Variants in FST observed in about 807,000 individuals in gnomAD.
FST encodes follistatin, also known as activin-binding protein.
Under a neutral mutation model 38.4 loss-of-function variants are expected in FST, and 6 were observed. That is an observed-to-expected ratio of 0.16 (90% CI 0.09 to 0.31). FST has a LOEUF of 0.31. Among genes scored for constraint, FST ranks in the 10% least tolerant of loss-of-function variants. The pLI is 1.00. For missense variants in FST, 301 were observed against 432.3 expected (o/e 0.70, Z 2.69); for synonymous variants, 157 against 169.8 (o/e 0.92, Z 0.59).
At position 53,483,349 on chromosome 5, in the gene FST, C is replaced by T. The variant is rs1747355383; in HGVS notation, c.278-155C>T. Among the ~76,000 whole-genome samples, 1 of 152,252 alleles carries T rather than the reference C, an allele frequency of 6.6e-6. No individual in the cohort carries two copies. Among genetic ancestry groups the T allele is most frequent in the Admixed American group, 6.5e-5 (1 of 15,288 alleles). On this transcript the variant is annotated intron_variant, in intron 2 of 5. Coordinates refer to ENST00000256759, the MANE Select transcript of FST (RefSeq NM_013409.3). The surrounding 1 kb of genome is among the most constrained non-coding windows in gnomAD (Gnocchi z 4.1). The stretch of plus-strand genomic sequence containing the variant: ...TGTGGGGCACAGCCCAAGGTCCACA[C>T]TCTTTCACCAACTCCCAATATTCCA...
chr5:53,485,200 G>A lies in FST; in HGVS notation c.925G>A (p.Glu309Lys). The change falls in exon 5 of 6, where the codon GAA becomes AAA. Residue 309 changes from glutamate (E) to lysine (K), a missense_variant. Glu to Lys is a moderately conservative substitution (Grantham distance 56). Transcript: ENST00000256759. ...EAACSSGVLLEVKHSGSCNSI... is the reference protein window; with the variant it reads ...EAACSSGVLLKVKHSGSCNSI... ...TGCCTGCTCCTCAGGTGTGCTACTGGAAGTAAAGCACTCCGGATCTTGCAA... is the reference window on the plus strand; with the variant it reads ...TGCCTGCTCCTCAGGTGTGCTACTGAAAGTAAAGCACTCCGGATCTTGCAA... 6.2e-7 allele frequency: 1 copy of A among 1,605,384 alleles called. No individual in the cohort carries two copies. Among genetic ancestry groups the A allele is most frequent in the Non-Finnish European group, 8.5e-7 (1 of 1,172,148 alleles).
At position 53,484,120 on chromosome 5, in the gene FST, A is replaced by G; in HGVS notation, c.548A>G (p.Gln183Arg). The G allele has an allele frequency of 6.2e-7, 1 of 1,611,092 alleles. No individual in the cohort carries two copies. The highest frequency in any genetic ancestry group is 8.5e-7 in the Non-Finnish European group (1 of 1,177,218). Residue 183 changes from glutamine (Q) to arginine (R), a missense_variant, in exon 4 of 6, where the codon CAG becomes CGG. Coordinates refer to ENST00000256759, the MANE Select transcript of FST (RefSeq NM_013409.3). Reference sequence around the variant, plus strand: ...GGCAGCTCCACATGTGTGGTGGACCAGACCAATAATGCCTACTGTGTGACC... The same window carrying G: ...GGCAGCTCCACATGTGTGGTGGACCGGACCAATAATGCCTACTGTGTGACC... ...CPGSSTCVVDQTNNAYCVTCN... is the reference protein window; with the variant it reads ...CPGSSTCVVDRTNNAYCVTCN...
chr5:53,481,462 C>CAAAAAAAAA (rs70983342), intron 1 of FST, among the ~76,000 whole-genome samples: 3,652 of 48,006 alleles, frequency 0.076, 770 homozygotes, highest in Non-Finnish European at 0.083. Flanking sequence ...CCCATTCTCG[C>CAAAAAAAAA]AAAAAAAAAA....
At position 53,483,986 on chromosome 5, in the gene FST, C is replaced by A; in HGVS notation, c.497-83C>A. On this transcript the variant is annotated intron_variant, in intron 3 of 5. Transcript: ENST00000256759. This position sits in a 1 kb window ranked among gnomAD's most constrained non-coding sequence, Gnocchi z 4.1. ...TTTTGAAAGCTGGATGCTTCAGTGT[C>A]ATGATTTCCTTGGTAACTTCAAGTG... is the stretch of plus-strand genomic sequence containing the variant. 8.4e-7 allele frequency: 1 copy of A among 1,197,070 alleles called. No individual in the cohort carries two copies. The highest frequency in any genetic ancestry group is 1.2e-6 in the Non-Finnish European group (1 of 821,368). The allele number at this position is 1,197,070 out of a possible 1,614,324, so 74.2% of individuals were successfully genotyped here. A position where few individuals can be genotyped will look rare whatever the true frequency, so the allele number is the denominator to read the frequency against.
chr5:53,485,845 G>T, intron 5 of FST, 106 bp from the exon 6 acceptor site: 2 of 1,597,310 alleles, frequency 1.3e-6, no homozygotes, highest in Non-Finnish European at 1.7e-6. Flanking sequence ...AAAATGCAAC[G>T]CTGTAATATG....
chr5:53,482,911 C>T lies in FST; in HGVS notation c.117C>T (p.Asn39=), dbSNP rs910688617. ...ACTGCTGGCTCCGTCAAGCGAAGAA[C>T]GGCCGCTGCCAGGTCCTGTACAAGA... The part of the protein sequence containing the change: ...AGNCWLRQAK[N]GRCQVLYKTE... The change falls in exon 2 of 6, where the codon AAC becomes AAT. Residue 39 remains asparagine (N), a synonymous_variant. Transcript: ENST00000256759. 2.5e-6 allele frequency: 4 copies of T among 1,610,122 alleles called. No individual in the cohort carries two copies. Among genetic ancestry groups the T allele is most frequent in the Non-Finnish European group, 3.4e-6 (4 of 1,177,506 alleles).
In FST at chr5:53,486,070, TGCAAA is replaced by T; in HGVS notation, c.*38_*42del. On this transcript the variant is annotated 3_prime_UTR_variant, in exon 6 of 6. Coordinates refer to ENST00000256759, the MANE Select transcript of FST (RefSeq NM_013409.3). ...GTGTTCAGTGTTGACATAGCCTTTG[TGCAAA>T]AAAAAAAAAAAAAAAAAAGAAAAAG... 1.7e-6 allele frequency: 1 copy of T among 581,864 alleles called. No homozygotes were observed. Among genetic ancestry groups the T allele is most frequent in the Non-Finnish European group, 2.6e-6 (1 of 385,438 alleles). 36.0% of individuals were successfully genotyped at this position (581,864 alleles called of 1,614,324 possible).
rs764424743 is a variant in FST, at chr5:53,485,011, G to A, written c.736G>A (p.Glu246Lys). ...TTATATCCTAGAAGCAAAGTCCTGTGAAGATATCCAGTGCACTGGTGGGAA... is the reference window on the plus strand; with the variant it reads ...TTATATCCTAGAAGCAAAGTCCTGTAAAGATATCCAGTGCACTGGTGGGAA... ...EGKCIKAKSC[E>K]DIQCTGGKKC... Residue 246 changes from glutamate to lysine, a missense_variant, in exon 5 of 6, where the codon GAA (glutamate) becomes AAA (lysine). Glu to Lys is a moderately conservative substitution (Grantham distance 56). Coordinates refer to ENST00000256759, the MANE Select transcript of FST (RefSeq NM_013409.3). The A allele has an allele frequency of 1.9e-6, 3 of 1,585,690 alleles. No individual in the cohort carries two copies. The highest frequency in any genetic ancestry group is 3.3e-4 in the Middle Eastern group (2 of 5,990).
rs749610664 is a variant in FST, at chr5:53,483,764, C to G, written c.496+42C>G. 1 of 1,452,786 alleles carries G rather than the reference C, an allele frequency of 6.9e-7. No homozygotes were observed. The highest frequency in any genetic ancestry group is 1.2e-5 in the South Asian group (1 of 85,910). The allele number at this position is 1,452,786 out of a possible 1,614,324, so 90.0% of individuals were successfully genotyped here. A position where few individuals can be genotyped will look rare whatever the true frequency, so the allele number is the denominator to read the frequency against. On this transcript the variant is annotated intron_variant, in intron 3 of 5. Transcript: ENST00000256759. The surrounding 1 kb of genome is among the most constrained non-coding windows in gnomAD (Gnocchi z 4.1). The stretch of plus-strand genomic sequence containing the variant: ...TGAGCAAGACTGGATCTGTCCCCTC[C>G]TCCAGCTTTGTACCTAAAGTAGACC...
In FST at chr5:53,480,821, G is replaced by T. The variant is rs1190042869; in HGVS notation, c.30G>T (p.Gly10=). MVRARHQPG[G]LCLLLLLLCQ... is the part of the protein sequence containing the mutation. The stretch of plus-strand genomic sequence containing the variant: ...TCCGCGCGAGGCACCAGCCGGGTGG[G>T]CTTTGCCTCCTGCTGCTGCTGCTCT... Residue 10 remains glycine, a synonymous_variant, in exon 1 of 6, where the codon GGG becomes GGT. Coordinates refer to ENST00000256759, the MANE Select transcript of FST (RefSeq NM_013409.3). 2 of 1,529,546 alleles carry T rather than the reference G, an allele frequency of 1.3e-6. No individual in the cohort carries two copies. The highest frequency in any genetic ancestry group is 4.1e-5 in the Admixed American group (2 of 49,038). 94.7% of individuals were successfully genotyped at this position (1,529,546 alleles called of 1,614,324 possible).
chr5:53,480,681 C>T lies in FST; in HGVS notation c.-111C>T. 6.0e-6 allele frequency: 1 copy of T among 166,822 alleles called. No homozygotes were observed. Among genetic ancestry groups the T allele is most frequent in the African/African-American group, 2.4e-5 (1 of 41,472 alleles). The allele number at this position is 166,822 out of a possible 1,614,324, so 10.3% of individuals were successfully genotyped here. A position where few individuals can be genotyped will look rare whatever the true frequency, so the allele number is the denominator to read the frequency against. ...GGCGAGCGCGGGGCTGCGCCGGGAT[C>T]GCTGCGCCCTCCGCCGCTGGCCTCT... is the stretch of plus-strand genomic sequence containing the variant. On this transcript the variant is annotated 5_prime_UTR_variant, in exon 1 of 6. Coordinates refer to ENST00000256759, the MANE Select transcript of FST (RefSeq NM_013409.3).
intron 5 of FST, 23 bp downstream of exon 5, chr5:53,485,250 C>G (rs775195869): frequency 7.5e-7 from 1 of 1,338,942 alleles, no homozygotes; most frequent in Non-Finnish European, 1.1e-6. Context: ...TTTAACCTTG[C>G]TGCCATTTAA....
chr5:53,483,750 G>A lies in FST; in HGVS notation c.496+28G>A. 6.5e-7 allele frequency: 1 copy of A among 1,527,676 alleles called. No homozygotes were observed. The highest frequency in any genetic ancestry group is 1.1e-5 in the South Asian group (1 of 88,512). 94.6% of individuals were successfully genotyped at this position (1,527,676 alleles called of 1,614,324 possible). A position where few individuals can be genotyped will look rare whatever the true frequency, so the allele number is the denominator to read the frequency against. The stretch of plus-strand genomic sequence containing the variant: ...AGGTCCTACCCTGTTGAGCAAGACT[G>A]GATCTGTCCCCTCCTCCAGCTTTGT... On this transcript the variant is annotated intron_variant, in intron 3 of 5. Transcript: ENST00000256759. This position sits in a 1 kb window ranked among gnomAD's most constrained non-coding sequence, Gnocchi z 4.1.
intron 5 of FST, chr5:53,485,726 C>T: frequency 6.2e-7 from 1 of 1,611,200 alleles, no homozygotes; most frequent in Non-Finnish European, 8.5e-7. Flanking sequence ...TTCTTCAGAA[C>T]TTTCTGCAGT....
Position 53,486,028 on chromosome 5 carries a change from T to A in FST, c.1030T>A (p.Trp344Arg). 6.9e-7 allele frequency: 1 copy of A among 1,446,458 alleles called. No individual in the cohort carries two copies. Among genetic ancestry groups the A allele is most frequent in the South Asian group, 1.2e-5 (1 of 83,858 alleles). 89.6% of individuals were successfully genotyped at this position (1,446,458 alleles called of 1,614,324 possible). A position where few individuals can be genotyped will look rare whatever the true frequency, so the allele number is the denominator to read the frequency against. ...YSFPISSILE[W>R] ...CTTTCCTATATCTTCTATTCTAGAG[T>A]GGTAAACTCTCTATAAGTGTTCAGT... The change falls in exon 6 of 6, where the codon TGG (tryptophan) becomes AGG (arginine). Residue 344 changes from tryptophan to arginine, a missense_variant. Physicochemically the swap from Trp to Arg is moderately radical, Grantham distance 101. Coordinates refer to ENST00000256759, the MANE Select transcript of FST (RefSeq NM_013409.3).
rs1042254742 is a variant in FST at position 53,483,801 on chromosome 5, C to G, written c.496+79C>G. The G allele has an allele frequency of 1.1e-5, 12 of 1,052,246 alleles. No individual in the cohort carries two copies. In the African/African-American group the frequency reaches 1.7e-4, roughly 15 times the overall value. The allele number at this position is 1,052,246 out of a possible 1,614,324, so 65.2% of individuals were successfully genotyped here. A position where few individuals can be genotyped will look rare whatever the true frequency, so the allele number is the denominator to read the frequency against. On this transcript the variant is annotated intron_variant, in intron 3 of 5. Transcript: ENST00000256759. The surrounding 1 kb of genome is among the most constrained non-coding windows in gnomAD (Gnocchi z 4.1). ...ACCTAAAGTAGACCCTCTAGAAGAC[C>G]CTTGGGGGATGGTGTAGTCCGCAGT...
Position 53,486,160 on chromosome 5 carries a change from G to T in FST, c.*127G>T, listed in dbSNP as rs185126000. On this transcript the variant is annotated 3_prime_UTR_variant, in exon 6 of 6. Transcript: ENST00000256759. ...AAGTGTATGCTTATTTATTTGGGGG[G>T]AAAACTATACATTAAAGGACCTTTG... 6.0e-3 allele frequency: 3,310 copies of T among 550,862 alleles called. 24 individuals carry two copies. The highest frequency in any genetic ancestry group is 8.4e-3 in the Non-Finnish European group (2,697 of 320,770). The allele number at this position is 550,862 out of a possible 1,614,324, so 34.1% of individuals were successfully genotyped here. A position where few individuals can be genotyped will look rare whatever the true frequency, so the allele number is the denominator to read the frequency against.
At position 53,480,803 on chromosome 5, in the gene FST, G is replaced by A; in HGVS notation, c.12G>A (p.Ala4=). 3 of 1,509,292 alleles carry A rather than the reference G, an allele frequency of 2.0e-6. No individual in the cohort carries two copies. The highest frequency in any genetic ancestry group is 8.9e-7 in the Non-Finnish European group (1 of 1,125,248). 93.5% of individuals were successfully genotyped at this position (1,509,292 alleles called of 1,614,324 possible). MVR[A]RHQPGGLCLL... Reference sequence around the variant, plus strand: ...CGCCTGCCCCCAGGATGGTCCGCGCGAGGCACCAGCCGGGTGGGCTTTGCC... The same window carrying A: ...CGCCTGCCCCCAGGATGGTCCGCGCAAGGCACCAGCCGGGTGGGCTTTGCC... Residue 4 remains alanine (A), a synonymous_variant, in exon 1 of 6, where the codon GCG becomes GCA. Transcript: ENST00000256759.
At chr5:53,482,206 C>T (rs181732674) in intron 1 of FST, among the ~76,000 whole-genome samples, 1 of 152,312 alleles carries the variant, frequency 6.6e-6, no homozygotes, top group East Asian at 1.9e-4. Context: ...GTGCCTTTTG[C>T]TTGATCTGTT....
Sources: gnomAD v4.1 joint callset for allele counts (sites outside exome capture counted in the v4.1 genomes callset) on GRCh38, gnomAD v4.1.1 for gene constraint, Gnocchi (gnomAD v3.1) non-coding constraint, MANE v1.5 for transcripts, NCBI Gene and HGNC (gene_info 2026-07-23, HGNC 2026-07-21) for gene names.